Variants in PELI2 observed in about 807,000 individuals in gnomAD.
PELI2 encodes E3 ubiquitin-protein ligase pellino homolog 2.
PELI2 carries 23 observed loss-of-function variants against 42.3 expected under a neutral mutation model. The ratio of observed to expected loss-of-function variants is 0.54; its 90% CI spans 0.39 to 0.77. The LOEUF (loss-of-function observed/expected upper bound fraction) is 0.77. PELI2 is among the 30% of genes least tolerant of loss of function. The pLI is 0.00. For synonymous variants in PELI2, 245 were observed against 212.2 expected (o/e 1.15, Z -1.34); for missense variants, 463 against 553.2 (o/e 0.84, Z 1.64).
intron 2 of PELI2, among the ~76,000 whole-genome samples, chr14:56,210,709 G>A (rs1309014889): frequency 6.6e-6 from 1 of 152,074 alleles, no homozygotes; most frequent in Non-Finnish European, 1.5e-5. Flanking sequence ...GGTTCCATTT[G>A]GCCACCACAT....
chr14:56,256,601 A>G (rs1888534697), intron 2 of PELI2, among the ~76,000 whole-genome samples: 2 of 152,132 alleles, frequency 1.3e-5, no homozygotes, highest in Non-Finnish European at 2.9e-5. Context: ...TTTTTTGCAA[A>G]GATTTTATGT....
chr14:56,215,936 T>C lies in PELI2; in HGVS notation c.207+37472T>C, dbSNP rs534354117. Reference sequence around the variant, plus strand: ...TGTAGTCACATTTCACGTTGTTATGTGGTGGAATATATATCACATTTAAGC... The same window carrying C: ...TGTAGTCACATTTCACGTTGTTATGCGGTGGAATATATATCACATTTAAGC... On this transcript the variant is annotated intron_variant, in intron 2 of 5. Transcript: ENST00000267460. Among the ~76,000 whole-genome samples the C allele has an allele frequency of 8.5e-5, 13 of 152,350 alleles. 1 individual carries two copies. The highest frequency in any genetic ancestry group is 7.8e-4 in the Admixed American group (12 of 15,300).
intron 2 of PELI2, among the ~76,000 whole-genome samples, chr14:56,188,765 G>A (rs1256241320): frequency 6.6e-6 from 1 of 152,158 alleles, no homozygotes; most frequent in Non-Finnish European, 1.5e-5. Flanking sequence ...GAAAGTGTGG[G>A]CTTTCAAATG....
chr14:56,122,339 G>A (rs1170675465), intron 1 of PELI2, among the ~76,000 whole-genome samples: 2 of 152,158 alleles, frequency 1.3e-5, no homozygotes, highest in Non-Finnish European at 2.9e-5. Flanking sequence ...TGAGGACACA[G>A]GCTCCCAGAA....
At chr14:56,256,559 A>T (rs1888533430) in intron 2 of PELI2, among the ~76,000 whole-genome samples, 1 of 152,198 alleles carries the variant, frequency 6.6e-6, no homozygotes, top group African/African-American at 2.4e-5. Context: ...TATTTATTGA[A>T]TTCTTATTAA....
intron 1 of PELI2, chr14:56,119,123 G>C (rs10140006): frequency 0.4 from 60,959 of 151,574 alleles, 14,671 homozygotes; most frequent in Admixed American, 0.57. Context: ...GAGGCGCCGC[G>C]GTCGCGGGCG....
At chr14:56,144,334 A>G (rs1463065328) in intron 1 of PELI2, among the ~76,000 whole-genome samples, 1 of 152,248 alleles carries the variant, frequency 6.6e-6, no homozygotes, top group Non-Finnish European at 1.5e-5. Context: ...TCCAAAATCC[A>G]TAGAGCAGTC....
intron 2 of PELI2, among the ~76,000 whole-genome samples, chr14:56,216,703 C>G (rs1886916498): frequency 1.3e-5 from 2 of 152,224 alleles, no homozygotes. Flanking sequence ...GAGCAAAACT[C>G]TGTAGGCAAA....
At chr14:56,212,986 G>A (rs1411904698) in intron 2 of PELI2, among the ~76,000 whole-genome samples, 4 of 152,322 alleles carry the variant, frequency 2.6e-5, no homozygotes, top group Admixed American at 6.5e-5. Context: ...CGTGCAGTTC[G>A]TGTGCCCTTT....
At chr14:56,218,000 C>T (rs8014215) in intron 2 of PELI2, among the ~76,000 whole-genome samples, 60,899 of 152,110 alleles carry the variant, frequency 0.4, 13,044 homozygotes, top group South Asian at 0.53. Context: ...CCAACCACCT[C>T]ATTAAGTTGG....
At chr14:56,178,845 G>A (rs988233481) in intron 2 of PELI2, among the ~76,000 whole-genome samples, 9 of 152,198 alleles carry the variant, frequency 5.9e-5, no homozygotes, top group Non-Finnish European at 1.5e-5. Flanking sequence ...TAGTTGAAAT[G>A]TGATGTTCTT....
intron 1 of PELI2, chr14:56,144,893 A>T (rs551234637): frequency 1.4e-6 from 1 of 740,580 alleles, no homozygotes; most frequent in Admixed American, 6.3e-5. Flanking sequence ...AAGGATTTCC[A>T]TCCTACTATT....
chr14:56,294,003 C>T (rs191168732), intron 5 of PELI2, among the ~76,000 whole-genome samples: 9 of 152,224 alleles, frequency 5.9e-5, no homozygotes, highest in African/African-American at 2.2e-4. Context: ...AGGAGCCTCA[C>T]GTCACCAGTT....
chr14:56,191,609 T>C (rs1231400874), intron 2 of PELI2, among the ~76,000 whole-genome samples: 1 of 152,182 alleles, frequency 6.6e-6, no homozygotes, highest in African/African-American at 2.4e-5. Flanking sequence ...AGGGTGTTGC[T>C]AGTACCCATG....
chr14:56,152,519 G>A (rs1041633161), intron 1 of PELI2, among the ~76,000 whole-genome samples: 2 of 152,110 alleles, frequency 1.3e-5, no homozygotes, highest in Non-Finnish European at 2.9e-5. Flanking sequence ...CATTATTTGA[G>A]GTTTCTGGGT....
chr14:56,155,622 C>T (rs1884533345), intron 1 of PELI2, among the ~76,000 whole-genome samples: 2 of 151,240 alleles, frequency 1.3e-5, no homozygotes, highest in Non-Finnish European at 2.9e-5. Flanking sequence ...CGCTCTGTCA[C>T]CCAGGCTGGA....
At position 56,290,253 on chromosome 14, in the gene PELI2, C is replaced by G. The variant is rs747469269; in HGVS notation, c.508-15C>G. On this transcript the variant is annotated splice_polypyrimidine_tract_variant and intron_variant, in intron 4 of 5. Transcript: ENST00000267460. ...ATCTTAACCTACTTTTTCTGTTCTG[C>G]TGTGTTCTCTCCAGGAAAAGGCAGC... is the stretch of plus-strand genomic sequence containing the variant. 1 of 1,536,396 alleles carries G rather than the reference C, an allele frequency of 6.5e-7. No individual in the cohort carries two copies. Among genetic ancestry groups the G allele is most frequent in the African/African-American group, 1.4e-5 (1 of 73,236 alleles).
At chr14:56,231,217 A>G (rs1036750590) in intron 2 of PELI2, among the ~76,000 whole-genome samples, 1 of 152,182 alleles carries the variant, frequency 6.6e-6, no homozygotes, top group Non-Finnish European at 1.5e-5. Flanking sequence ...AAAGTTAACA[A>G]GGATATCCAG....
chr14:56,241,074 G>A (rs1887958236), intron 2 of PELI2, among the ~76,000 whole-genome samples: 1 of 150,962 alleles, frequency 6.6e-6, no homozygotes, highest in African/African-American at 2.4e-5. Context: ...CTGGAAACTG[G>A]ACCAGTATCA....
Sources: gnomAD v4.1 joint callset for allele counts (sites outside exome capture counted in the v4.1 genomes callset) on GRCh38, gnomAD v4.1.1 for gene constraint, MANE v1.5 for transcripts, NCBI Gene and HGNC (gene_info 2026-07-23, HGNC 2026-07-21) for gene names.